The following PARP10 variants were observed in gnomAD, a reference collection of about 807,000 sequenced individuals.
PARP10 encodes protein mono-ADP-ribosyltransferase PARP10.
A neutral mutation model predicts 82.4 loss-of-function variants in PARP10; 56 were observed. The ratio of observed to expected loss-of-function variants is 0.68; its 90% CI spans 0.55 to 0.85. PARP10 has a LOEUF of 0.85. Among genes scored for constraint, PARP10 ranks in the 40% least tolerant of loss-of-function variants. The pLI, the probability that PARP10 is intolerant of heterozygous loss-of-function variation, is 0.00. For synonymous variants in PARP10, 576 were observed against 601.1 expected, an observed-to-expected ratio of 0.96 and a Z score of 0.61; for missense variants, 1,227 against 1,379.4, an observed-to-expected ratio of 0.89 and a Z score of 1.75.
At chr8:143,979,495 A>G (rs782181891) in intron 9 of PARP10, among the ~76,000 whole-genome samples, 3 of 152,264 alleles carry the variant, frequency 2.0e-5, no homozygotes, top group Non-Finnish European at 4.4e-5. Context: ...CACTATATCC[A>G]GCCAAACTAG....
intron 1 of PARP10, among the ~76,000 whole-genome samples, chr8:144,005,817 A>T (rs1389578597): frequency 6.6e-6 from 1 of 151,928 alleles, no homozygotes; most frequent in Non-Finnish European, 1.5e-5. Flanking sequence ...CACCTTGTCA[A>T]GGAGGCCTCC....
In PARP10 at chr8:143,984,230, A is replaced by G. The variant is rs74677817; in HGVS notation, c.1660T>C (p.Leu554=). Residue 554 remains leucine (L), a synonymous_variant, in exon 6 of 11, where the codon TTG becomes CTG. Coordinates refer to ENST00000313028, the MANE Select transcript of PARP10 (RefSeq NM_032789.5). The part of the protein sequence containing the change: ...FGTERLATAT[L]DTGLEEVDPT... ...TCTACCTCTTCAAGGCCTGTGTCCA[A>G]CGTGGCTGTGGCCAGGCGCTCTGTC... 566 of 1,613,896 alleles carry G rather than the reference A, an allele frequency of 3.5e-4. 2 individuals carry two copies. The Middle Eastern group carries it at 6.9e-3, about 20-fold the overall frequency.
chr8:143,991,391 G>T, upstream of PARP10: 1 of 1,185,566 alleles, frequency 8.4e-7, no homozygotes, highest in Non-Finnish European at 1.2e-6. Flanking sequence ...GTCAGCCAGG[G>T]TACCCCCATG....
intron 1 of PARP10, among the ~76,000 whole-genome samples, chr8:144,001,364 C>T (rs1834201445): frequency 2.0e-5 from 3 of 152,132 alleles, no homozygotes; most frequent in Admixed American, 1.3e-4. Context: ...GGATTACAGG[C>T]GTGAGACACA....
rs1554748799 is a variant in PARP10, at chr8:143,984,791, G to A, written c.1211C>T (p.Ala404Val). 4 of 1,612,120 alleles carry A rather than the reference G, an allele frequency of 2.5e-6. No homozygotes were observed. The highest frequency in any genetic ancestry group is 1.3e-5 in the African/African-American group (1 of 74,688). Residue 404 changes from alanine (A) to valine (V), a missense_variant, in exon 5 of 11, where the codon GCC becomes GTC. Ala to Val is a moderately conservative substitution (Grantham distance 64). Transcript: ENST00000313028. ...CCCCTCTTGCTCTGGTGAGTCCATG[G>A]CAATTTCCACCAGGCCCTCCTGCCC... ...LLGQEGLVEI[A>V]MDSPEQEGLV...
chr8:143,977,180 G>C lies in PARP10; in HGVS notation c.*304C>G, dbSNP rs545963407. 4.9e-4 allele frequency: 196 copies of C among 397,172 alleles called. 1 individual carries two copies. Among genetic ancestry groups the C allele is most frequent in the East Asian group, 4.1e-3 (94 of 23,168 alleles). 24.6% of individuals were successfully genotyped at this position (397,172 alleles called of 1,614,324 possible). On this transcript the variant is annotated 3_prime_UTR_variant, in exon 11 of 11. Transcript: ENST00000313028. ...GAGTTCCCGGGTCCCTTCCGCCTGG[G>C]TTCACGTTCACGTTTATTCAAACAA...
At chr8:143,978,246 C>T (rs567530296) in intron 9 of PARP10, among the ~76,000 whole-genome samples, 165 bp from the exon 10 acceptor site, 27 of 152,328 alleles carry the variant, frequency 1.8e-4, no homozygotes, top group African/African-American at 5.5e-4. Context: ...GACAGTAACA[C>T]CTCCGTGAAG....
At chr8:144,007,644 G>T (rs1194147329) in intron 1 of PARP10, among the ~76,000 whole-genome samples, 1 of 152,092 alleles carries the variant, frequency 6.6e-6, no homozygotes, top group African/African-American at 2.4e-5. Context: ...CCTTCCTCTG[G>T]GCAGAGCCTA....
At chr8:143,989,248 C>A (rs1476744269), upstream of PARP10, among the ~76,000 whole-genome samples, 2 of 152,214 alleles carry the variant, frequency 1.3e-5, no homozygotes, top group Non-Finnish European at 2.9e-5. The surrounding 1 kb of genome is among the most constrained non-coding windows in gnomAD (Gnocchi z 4.3). Flanking sequence ...CACTGCTCCC[C>A]CAAGAGGACT....
intron 1 of PARP10, among the ~76,000 whole-genome samples, chr8:144,010,315 A>G (rs989273014): frequency 5.3e-5 from 8 of 152,256 alleles, no homozygotes; most frequent in African/African-American, 1.7e-4. Flanking sequence ...TGAACCCCCA[A>G]TTCCTAACAT....
chr8:143,996,882 T>C (rs1268858087), intron 1 of PARP10, among the ~76,000 whole-genome samples: 3 of 152,118 alleles, frequency 2.0e-5, no homozygotes, highest in African/African-American at 7.2e-5. Flanking sequence ...AACTGTATAT[T>C]GTAGGCAGTG....
chr8:143,991,240 GT>G, upstream of PARP10: 4 of 1,578,208 alleles, frequency 2.5e-6, no homozygotes, highest in African/African-American at 1.4e-5. Flanking sequence ...CATGAAAAGA[GT>G]TTTTTGGTGT....
upstream of PARP10, chr8:143,992,264 T>TGTC: frequency 6.2e-7 from 1 of 1,600,840 alleles, no homozygotes. Context: ...ACCGCCAGCC[T>TGTC]GTCGTACATG....
upstream of PARP10, chr8:143,991,624 G>A (rs782539180): frequency 1.9e-6 from 3 of 1,600,324 alleles, no homozygotes; most frequent in African/African-American, 4.0e-5. Flanking sequence ...GAAGGGAGGG[G>A]TGGGGTGGCC....
intron 9 of PARP10, among the ~76,000 whole-genome samples, chr8:143,978,463 C>T (rs1554746961): frequency 6.6e-6 from 1 of 152,202 alleles, no homozygotes; most frequent in Non-Finnish European, 1.5e-5. Context: ...GAGAAGGCCT[C>T]AGGTGACCAA....
chr8:144,000,559 G>A (rs1017853999), intron 1 of PARP10, among the ~76,000 whole-genome samples: 1 of 152,166 alleles, frequency 6.6e-6, no homozygotes, highest in Non-Finnish European at 1.5e-5. Context: ...GAACCTGGGA[G>A]GCGGAGCTTG....
At chr8:143,991,017 C>A, upstream of PARP10, 1 of 419,528 alleles carries the variant, frequency 2.4e-6, no homozygotes, top group Non-Finnish European at 4.3e-6. Flanking sequence ...CACGGCGCCG[C>A]CCGTCCGGTC....
At chr8:143,979,977 A>G (rs1833808671) in intron 9 of PARP10, among the ~76,000 whole-genome samples, 2 of 130,066 alleles carry the variant, frequency 1.5e-5, no homozygotes, top group South Asian at 4.8e-4. Context: ...GTGCCACTGC[A>G]CTCCAGCCTG....
At chr8:144,001,021 C>A (rs1564260842) in intron 1 of PARP10, among the ~76,000 whole-genome samples, 2 of 146,582 alleles carry the variant, frequency 1.4e-5, no homozygotes, top group African/African-American at 5.1e-5. Context: ...TCACACCATT[C>A]TCTTGCCTCA....
Sources: allele counts gnomAD v4.1 joint callset (sites outside exome capture counted in the v4.1 genomes callset), GRCh38; gene constraint gnomAD v4.1.1; non-coding constraint Gnocchi (gnomAD v3.1); transcripts MANE v1.5; gene names NCBI Gene and HGNC (gene_info 2026-07-23, HGNC 2026-07-21).